The following DAB2IP variants were observed in gnomAD, a reference collection of about 807,000 sequenced individuals.
DAB2IP encodes DAB2 interacting protein, also known as disabled homolog 2-interacting protein.
Under a neutral mutation model 107.2 loss-of-function variants are expected in DAB2IP, and 28 were observed. The ratio of observed to expected loss-of-function variants is 0.26; its 90% CI spans 0.19 to 0.36. The LOEUF (loss-of-function observed/expected upper bound fraction) is 0.36. Ranked by LOEUF, DAB2IP falls within the 10% of genes least tolerant of loss-of-function variation. The pLI is 1.00. For synonymous variants in DAB2IP, 755 were observed against 706.4 expected (o/e 1.07, Z -1.09); for missense variants, 1,400 against 1,644.7 (o/e 0.85, Z 2.57).
Position 121,678,592 on chromosome 9 carries a change from C to T in DAB2IP, c.125-86C>T, listed in dbSNP as rs77416383. On this transcript the variant is annotated intron_variant, in intron 1 of 15. Transcript: ENST00000408936. ...TTCTAGGGACCGGTTTGTCTGTTGT[C>T]CTGACTGGGATGGGAGTGGCAGGAG... 428 of 1,170,502 alleles carry T rather than the reference C, an allele frequency of 3.7e-4. 8 individuals carry two copies. The East Asian group carries it at 0.012, about 33-fold the overall frequency. The allele number at this position is 1,170,502 out of a possible 1,614,324, so 72.5% of individuals were successfully genotyped here.
chr9:121,580,627 C>CT (rs893587911), intron 1 of DAB2IP, among the ~76,000 whole-genome samples: 112 of 146,410 alleles, frequency 7.6e-4, no homozygotes, highest in Admixed American at 8.9e-4. Flanking sequence ...CATCTAAGAA[C>CT]TTTTTTTTTT....
intron 1 of DAB2IP, among the ~76,000 whole-genome samples, chr9:121,674,099 A>C (rs923830630): frequency 1.3e-5 from 2 of 152,190 alleles, no homozygotes; most frequent in Non-Finnish European, 2.9e-5. Context: ...GGCCCCATGG[A>C]GGAGGGGAGA....
intron 1 of DAB2IP, among the ~76,000 whole-genome samples, chr9:121,667,666 CT>C (rs57124591): frequency 2.8e-4 from 41 of 147,008 alleles, no homozygotes; most frequent in Admixed American, 3.4e-4. Context: ...AATTTTTCAT[CT>C]TTTTTTTTTT....
intron 1 of DAB2IP, among the ~76,000 whole-genome samples, chr9:121,580,003 G>A (rs555065783): frequency 3.3e-5 from 5 of 152,230 alleles, no homozygotes; most frequent in Admixed American, 1.3e-4. Flanking sequence ...GGGTAGGAAC[G>A]ATGCCCAGCC....
intron 3 of DAB2IP, among the ~76,000 whole-genome samples, chr9:121,733,813 CTG>C (rs1388777703): frequency 1.3e-5 from 2 of 152,192 alleles, no homozygotes; most frequent in Non-Finnish European, 2.9e-5. Flanking sequence ...AAGTGTGTGA[CTG>C]TGAGAAAGGC....
intron 1 of DAB2IP, among the ~76,000 whole-genome samples, chr9:121,600,172 C>T (rs1217874599): frequency 6.6e-6 from 1 of 152,154 alleles, no homozygotes; most frequent in Non-Finnish European, 1.5e-5. Context: ...AACTTCAGAC[C>T]TTCCTCAGCT....
chr9:121,627,133 A>ACACACT (rs1554715830), intron 1 of DAB2IP, among the ~76,000 whole-genome samples: 125 of 51,214 alleles, frequency 2.4e-3, no homozygotes, highest in African/African-American at 7.0e-3. Context: ...ACACACACAC[A>ACACACT]CACACACTCA....
Position 121,699,467 on chromosome 9 carries a change from G to C in DAB2IP, c.362+9G>C. 1 of 1,305,496 alleles carries C rather than the reference G, an allele frequency of 7.7e-7. No individual in the cohort carries two copies. Among genetic ancestry groups the C allele is most frequent in the Non-Finnish European group, 9.9e-7 (1 of 1,013,890 alleles). The allele number at this position is 1,305,496 out of a possible 1,614,324, so 80.9% of individuals were successfully genotyped here. On this transcript the variant is annotated intron_variant, in intron 3 of 15. Transcript: ENST00000408936. The surrounding 1 kb of genome is among the most constrained non-coding windows in gnomAD (Gnocchi z 6.2). ...GCCGCGGACAATGAGAGGTGAGCCC[G>C]CCGCCGCCGCCCGGTCCCCCGCGCC...
chr9:121,768,659 G>T, intron 10 of DAB2IP, 26 bp downstream of exon 10: 1 of 1,611,442 alleles, frequency 6.2e-7, no homozygotes. Flanking sequence ...GGGCGGAGGT[G>T]GGGCCAAAAG....
intron 1 of DAB2IP, among the ~76,000 whole-genome samples, chr9:121,605,344 G>A (rs982680811): frequency 1.3e-5 from 2 of 152,042 alleles, no homozygotes; most frequent in East Asian, 3.9e-4. Context: ...TTCTTGATCT[G>A]CTTCTTAAAA....
chr9:121,604,881 C>T (rs1321292101), intron 1 of DAB2IP, among the ~76,000 whole-genome samples: 3 of 152,338 alleles, frequency 2.0e-5, no homozygotes. Flanking sequence ...AACTGCCGTG[C>T]CTGCACCCCC....
chr9:121,581,331 G>A (rs1032888449), intron 1 of DAB2IP, among the ~76,000 whole-genome samples: 63 of 152,300 alleles, frequency 4.1e-4, no homozygotes, highest in African/African-American at 1.4e-3. Context: ...AAAGGTTTCC[G>A]TCCCCCAATG....
chr9:121,610,828 C>G (rs530980923), intron 1 of DAB2IP, among the ~76,000 whole-genome samples: 1 of 152,142 alleles, frequency 6.6e-6, no homozygotes, highest in Non-Finnish European at 1.5e-5. Flanking sequence ...GACCGCCAGT[C>G]CTGGGCCCAT....
chr9:121,667,761 G>A (rs1484648289), intron 1 of DAB2IP, among the ~76,000 whole-genome samples: 1 of 151,010 alleles, frequency 6.6e-6, no homozygotes, highest in Non-Finnish European at 1.5e-5. Flanking sequence ...GCCTCCCAAA[G>A]TGTTGGGATT....
At chr9:121,756,248 C>T (rs532573354) in intron 3 of DAB2IP, among the ~76,000 whole-genome samples, 16 of 152,304 alleles carry the variant, frequency 1.1e-4, no homozygotes, top group African/African-American at 2.9e-4. Flanking sequence ...CAGAGGAGAA[C>T]GATTTCCCCA....
chr9:121,649,996 TTG>T (rs1347773264), upstream of DAB2IP, among the ~76,000 whole-genome samples: 1 of 152,218 alleles, frequency 6.6e-6, no homozygotes, highest in East Asian at 1.9e-4. Context: ...TGAGGTTTTT[TTG>T]TGTGTGTGGT....
At chr9:121,653,797 C>A (rs1054690605) in intron 1 of DAB2IP, among the ~76,000 whole-genome samples, 2 of 152,198 alleles carry the variant, frequency 1.3e-5, no homozygotes, top group African/African-American at 4.8e-5. Flanking sequence ...GGGCTGTCAC[C>A]TGAGCCCCAG....
chr9:121,682,914 G>A (rs900423194), intron 2 of DAB2IP, among the ~76,000 whole-genome samples: 7 of 152,094 alleles, frequency 4.6e-5, no homozygotes, highest in African/African-American at 9.7e-5. Flanking sequence ...ACAGTGCTAC[G>A]AGGCTGGCAT....
chr9:121,680,155 G>A (rs1025579865), intron 2 of DAB2IP, among the ~76,000 whole-genome samples: 1 of 152,184 alleles, frequency 6.6e-6, no homozygotes, highest in Non-Finnish European at 1.5e-5. Flanking sequence ...GAGGGGATCT[G>A]GAGGACAGTG....
Sources: allele counts gnomAD v4.1 joint callset (sites outside exome capture counted in the v4.1 genomes callset), GRCh38; gene constraint gnomAD v4.1.1; non-coding constraint Gnocchi (gnomAD v3.1); transcripts MANE v1.5; gene names NCBI Gene and HGNC (gene_info 2026-07-23, HGNC 2026-07-21).